The following MCU variants were observed in gnomAD, a reference collection of about 807,000 sequenced individuals.
The protein encoded by MCU is calcium uniporter protein, mitochondrial.
MCU carries 12 observed loss-of-function variants against 45.2 expected under a neutral mutation model. The ratio of observed to expected loss-of-function variants is 0.27; its 90% CI spans 0.17 to 0.43. The LOEUF is 0.43. MCU is among the 20% of genes least tolerant of loss of function. The pLI, the probability that MCU is intolerant of heterozygous loss-of-function variation, is 1.00. For synonymous variants in MCU, 160 were observed against 165.1 expected (o/e 0.97, Z 0.24); for missense variants, 324 against 436.7 (o/e 0.74, Z 2.30).
At chr10:72,692,403 C>T in intron 1 of MCU, 102 bp downstream of exon 1, 1 of 1,021,222 alleles carries the variant, frequency 9.8e-7, no homozygotes, top group Middle Eastern at 4.2e-4. Flanking sequence ...GTTACCTCAA[C>T]TCCCGGCCGC....
chr10:72,728,057 A>G (rs143502787), intron 1 of MCU, among the ~76,000 whole-genome samples: 57 of 152,276 alleles, frequency 3.7e-4, no homozygotes, highest in African/African-American at 1.3e-3. Context: ...GGGAATAGGT[A>G]TTAGAACTTT....
chr10:72,756,988 C>A (rs762392196), intron 1 of MCU: 1 of 145,428 alleles, frequency 6.9e-6, no homozygotes, highest in African/African-American at 2.6e-5. Flanking sequence ...GCCTGGATAA[C>A]GTAATGAGAC....
intron 1 of MCU, among the ~76,000 whole-genome samples, chr10:72,758,493 A>G (rs1843609446): frequency 6.6e-6 from 1 of 152,222 alleles, no homozygotes; most frequent in Non-Finnish European, 1.5e-5. Context: ...TTGATGGTGT[A>G]TGTATGAAAC....
rs1488225155 is a variant in MCU, at chr10:72,871,421, G to T, written c.702G>T (p.Leu234Phe). Residue 234 changes from leucine to phenylalanine, a missense_variant, in exon 6 of 8, where the codon TTG (leucine) becomes TTT (phenylalanine). Transcript: ENST00000373053. ...GAAAAGCTGAGAAGAGGACCACTTT[G>T]GTGCTATGGGGTGGCCTTGCCTACA... ...ISRKAEKRTT[L>F]VLWGGLAYMA... The T allele has an allele frequency of 3.1e-6, 5 of 1,614,144 alleles. No homozygotes were observed. The highest frequency in any genetic ancestry group is 4.5e-5 in the East Asian group (2 of 44,886).
intron 3 of MCU, 53 bp downstream of exon 3, chr10:72,859,400 C>A: frequency 1.3e-6 from 2 of 1,489,362 alleles, no homozygotes; most frequent in Admixed American, 1.8e-5. Context: ...CACCCCACAC[C>A]ATTTCTAGAC....
chr10:72,807,660 C>G (rs1162482591), intron 1 of MCU, among the ~76,000 whole-genome samples: 1 of 151,590 alleles, frequency 6.6e-6, no homozygotes, highest in South Asian at 2.1e-4. Flanking sequence ...TCTCCTCTCA[C>G]ACACACACAT....
rs186006753 is a variant in MCU at position 72,723,182 on chromosome 10, C to T, written c.150+30881C>T. Among the ~76,000 whole-genome samples, 215 of 151,826 alleles carry T rather than the reference C, an allele frequency of 1.4e-3. 1 individual carries two copies. The highest frequency in any genetic ancestry group is 5.0e-3 in the African/African-American group (206 of 41,382). ...CTGCACTCCAGCCTGGGCGACAGAG[C>T]GAGATTCTGTCTTAAAAAAAAGAAA... On this transcript the variant is annotated intron_variant, in intron 1 of 7. Coordinates refer to ENST00000373053, the MANE Select transcript of MCU (RefSeq NM_138357.3).
intron 1 of MCU, among the ~76,000 whole-genome samples, chr10:72,773,677 A>G (rs970895466): frequency 1.3e-5 from 2 of 152,302 alleles, no homozygotes; most frequent in Middle Eastern, 6.8e-3. Flanking sequence ...ACCTCAAGGC[A>G]TATAATAAAC....
chr10:72,868,767 C>T lies in MCU; in HGVS notation c.561C>T (p.Tyr187=). The change falls in exon 5 of 8, where the codon TAC becomes TAT. Residue 187 remains tyrosine, a synonymous_variant. Transcript: ENST00000373053. ...NDVKTLVQQL[Y]TTLCIEQHQL... ...TAAAGACATTGGTCCAGCAACTATA[C>T]ACCACACTGTGCATTGAGCAGCACC... The T allele has an allele frequency of 1.2e-6, 2 of 1,614,122 alleles. No homozygotes were observed. Among genetic ancestry groups the T allele is most frequent in the South Asian group, 1.1e-5 (1 of 91,080 alleles).
chr10:72,699,004 A>G (rs540239523), intron 1 of MCU, among the ~76,000 whole-genome samples: 7 of 152,146 alleles, frequency 4.6e-5, no homozygotes, highest in East Asian at 3.9e-4. Flanking sequence ...AAGTCTCACT[A>G]TGTTGCCCAT....
chr10:72,860,158 A>G (rs1845354585), intron 3 of MCU: 2 of 360,122 alleles, frequency 5.6e-6, no homozygotes, highest in Non-Finnish European at 1.0e-5. Flanking sequence ...CTAGATTTCC[A>G]ATGTACACCT....
At chr10:72,692,689 T>C in intron 1 of MCU, 1 of 1,217,108 alleles carries the variant, frequency 8.2e-7, no homozygotes, top group Non-Finnish European at 1.0e-6. Flanking sequence ...CTTTCCCTCC[T>C]CCTCCGGGCG....
At chr10:72,783,447 A>G (rs1273652745) in intron 1 of MCU, among the ~76,000 whole-genome samples, 1 of 150,894 alleles carries the variant, frequency 6.6e-6, no homozygotes, top group Non-Finnish European at 1.5e-5. Flanking sequence ...TTTGGCATCT[A>G]GGAGGCTTTG....
chr10:72,871,255 T>G, intron 5 of MCU, 122 bp from the exon 6 acceptor site: 1 of 843,150 alleles, frequency 1.2e-6, no homozygotes, highest in Non-Finnish European at 2.0e-6. Flanking sequence ...CAAGCTATAT[T>G]TACTAGAATT....
intron 1 of MCU, among the ~76,000 whole-genome samples, chr10:72,821,475 C>T (rs560116419): frequency 1.3e-5 from 2 of 152,224 alleles, no homozygotes; most frequent in East Asian, 1.9e-4. Flanking sequence ...GTGACCCATT[C>T]CTATCTTTCT....
At chr10:72,753,604 A>G (rs531347892) in intron 1 of MCU, among the ~76,000 whole-genome samples, 1 of 152,288 alleles carries the variant, frequency 6.6e-6, no homozygotes, top group East Asian at 1.9e-4. Context: ...GCCGGGCGTA[A>G]TGGCTTATGC....
intron 1 of MCU, among the ~76,000 whole-genome samples, chr10:72,755,235 G>C (rs906156526): frequency 1.4e-5 from 2 of 147,562 alleles, no homozygotes; most frequent in African/African-American, 5.0e-5. Context: ...TGCAACCTCT[G>C]CCTCCCGGGT....
At chr10:72,712,763 C>G (rs776535678) in intron 1 of MCU, among the ~76,000 whole-genome samples, 13 of 152,132 alleles carry the variant, frequency 8.5e-5, no homozygotes, top group Non-Finnish European at 1.3e-4. Flanking sequence ...ACTTTGAAGT[C>G]ATTGTTTTAA....
At chr10:72,736,046 A>G (rs1843248219) in intron 1 of MCU, among the ~76,000 whole-genome samples, 1 of 152,256 alleles carries the variant, frequency 6.6e-6, no homozygotes, top group Non-Finnish European at 1.5e-5. Context: ...CATTGATGCA[A>G]AAAATATTCT....
Sources: allele counts gnomAD v4.1 joint callset (sites outside exome capture counted in the v4.1 genomes callset), GRCh38; gene constraint gnomAD v4.1.1; transcripts MANE v1.5; gene names NCBI Gene and HGNC (gene_info 2026-07-23, HGNC 2026-07-21).